The following SUGCT variants were observed in gnomAD, a reference collection of about 807,000 sequenced individuals.
SUGCT encodes succinyl-CoA:glutarate-CoA transferase, also known as succinyl-CoA:glutarate CoA-transferase.
Under a neutral mutation model 55.0 loss-of-function variants are expected in SUGCT, and 41 were observed. The ratio of observed to expected loss-of-function variants is 0.74; its 90% CI spans 0.58 to 0.97. SUGCT has a LOEUF of 0.97. SUGCT is among the 50% of genes least tolerant of loss of function. The pLI is 0.00. For synonymous variants in SUGCT, 187 were observed against 200.4 expected, an observed-to-expected ratio of 0.93 and a Z score of 0.56; for missense variants, 568 against 547.8, an observed-to-expected ratio of 1.04 and a Z score of -0.37.
At chr7:40,417,445 T>C (rs1409720072) in intron 9 of SUGCT, among the ~76,000 whole-genome samples, 3 of 151,830 alleles carry the variant, frequency 2.0e-5, no homozygotes, top group Non-Finnish European at 2.9e-5. Flanking sequence ...CAGTTTTCTT[T>C]TATTTTCAGA....
At chr7:40,441,207 C>T (rs1788496720) in intron 9 of SUGCT, among the ~76,000 whole-genome samples, 1 of 152,086 alleles carries the variant, frequency 6.6e-6, no homozygotes, top group Non-Finnish European at 1.5e-5. Flanking sequence ...AAGGTAAGTA[C>T]TGATGATTCC....
chr7:40,135,031 C>T lies in SUGCT; in HGVS notation c.11C>T (p.Thr4Met), dbSNP rs776440946. The T allele has an allele frequency of 6.4e-7, 1 of 1,561,626 alleles. No individual in the cohort carries two copies. The highest frequency in any genetic ancestry group is 1.9e-5 in the Admixed American group (1 of 52,610). ...TCTGAGACGCACGCGATGCTGGCGA[C>T]GCTGGCGAGGGTGGCAGCTCTGCGC... MLA[T>M]LARVAALRRT... The change falls in exon 1 of 14, where the codon ACG (threonine) becomes ATG (methionine). Residue 4 changes from threonine (T) to methionine (M), a missense_variant. By Grantham distance (81) the Thr-to-Met change is moderately conservative. Transcript: ENST00000335693.
intron 12 of SUGCT, among the ~76,000 whole-genome samples, chr7:40,557,498 C>T (rs980257512): frequency 1.3e-5 from 2 of 152,142 alleles, no homozygotes; most frequent in South Asian, 2.1e-4. Context: ...CGAGGCCAGG[C>T]GTGGTGGCTC....
At chr7:40,338,252 C>T (rs1276502956) in intron 9 of SUGCT, among the ~76,000 whole-genome samples, 1 of 152,086 alleles carries the variant, frequency 6.6e-6, no homozygotes, top group Admixed American at 6.6e-5. Context: ...CGAGGAGTAT[C>T]TTTGTGGCAT....
At chr7:40,496,618 T>A (rs1451594963) in intron 12 of SUGCT, among the ~76,000 whole-genome samples, 1 of 152,164 alleles carries the variant, frequency 6.6e-6, no homozygotes, top group Non-Finnish European at 1.5e-5. Flanking sequence ...AGCCACTACA[T>A]GAAGTTTCTG....
intron 12 of SUGCT, among the ~76,000 whole-genome samples, chr7:40,536,827 T>A (rs971126847): frequency 1.3e-5 from 2 of 152,180 alleles, no homozygotes; most frequent in Non-Finnish European, 1.5e-5. Context: ...CTTCTTAAGC[T>A]CTCGTATGTG....
chr7:40,849,566 T>A (rs2128797972), intron 13 of SUGCT, among the ~76,000 whole-genome samples: 1 of 152,294 alleles, frequency 6.6e-6, no homozygotes, highest in East Asian at 1.9e-4. Flanking sequence ...TTCCTGCAAG[T>A]GTTTACATTA....
At chr7:40,938,335 G>T in the SUGCT span, among the ~76,000 whole-genome samples, 4 of 148,914 alleles carry the variant, frequency 2.7e-5, no homozygotes, top group African/African-American at 9.9e-5. Flanking sequence ...CTTCTTTTGT[G>T]TTAAATATTT....
the SUGCT span, among the ~76,000 whole-genome samples, chr7:40,972,714 C>T: frequency 6.6e-6 from 1 of 152,276 alleles, no homozygotes; most frequent in East Asian, 1.9e-4. Flanking sequence ...ACATTCTTGC[C>T]ATATCCAGCA....
the SUGCT span, among the ~76,000 whole-genome samples, chr7:40,972,023 A>G: frequency 6.6e-6 from 1 of 151,960 alleles, no homozygotes; most frequent in African/African-American, 2.4e-5. Flanking sequence ...TCTGGTTAAC[A>G]TTTTTCTTTT....
chr7:40,843,139 GAA>G (rs1221749369), intron 13 of SUGCT, among the ~76,000 whole-genome samples: 5 of 152,174 alleles, frequency 3.3e-5, no homozygotes, highest in Non-Finnish European at 7.3e-5. Flanking sequence ...AGATGTACAT[GAA>G]AAGGACTCTG....
chr7:40,778,227 T>G (rs537884410), intron 13 of SUGCT, among the ~76,000 whole-genome samples: 1 of 118,020 alleles, frequency 8.5e-6, no homozygotes, highest in Non-Finnish European at 1.9e-5. Flanking sequence ...ATAGCTGCCT[T>G]CTACAGACTC....
chr7:40,244,391 C>G (rs543566824), intron 7 of SUGCT, among the ~76,000 whole-genome samples: 103 of 152,170 alleles, frequency 6.8e-4, no homozygotes, highest in African/African-American at 2.2e-3. Context: ...AACAATAGGC[C>G]AGTCACAGAG....
intron 12 of SUGCT, among the ~76,000 whole-genome samples, chr7:40,564,139 C>T (rs911107567): frequency 2.0e-5 from 3 of 152,142 alleles, no homozygotes; most frequent in Admixed American, 2.0e-4. Flanking sequence ...TTTGGGAGGC[C>T]GAGGCAGGCG....
intron 9 of SUGCT, among the ~76,000 whole-genome samples, chr7:40,423,666 A>G (rs116556521): frequency 2.6e-3 from 392 of 152,230 alleles, no homozygotes; most frequent in Middle Eastern, 0.017. Flanking sequence ...CATAAACCTC[A>G]TTACACTGGC....
chr7:40,728,806 A>G (rs1786736429), intron 12 of SUGCT, among the ~76,000 whole-genome samples: 1 of 152,180 alleles, frequency 6.6e-6, no homozygotes, highest in Non-Finnish European at 1.5e-5. Flanking sequence ...GTGGCTACAT[A>G]AGGGAGACAT....
chr7:40,258,823 C>T (rs1699476938), intron 7 of SUGCT, among the ~76,000 whole-genome samples: 1 of 152,142 alleles, frequency 6.6e-6, no homozygotes, highest in African/African-American at 2.4e-5. Flanking sequence ...CCAGCAACCC[C>T]ACCAATGGGC....
At chr7:40,316,009 A>G (rs1306156825) in intron 8 of SUGCT, among the ~76,000 whole-genome samples, 3 of 152,216 alleles carry the variant, frequency 2.0e-5, no homozygotes, top group African/African-American at 4.8e-5. Flanking sequence ...AGATCTGTCC[A>G]TGAAATACTA....
the SUGCT span, chr7:40,967,193 A>G: frequency 6.6e-6 from 1 of 152,150 alleles, no homozygotes; most frequent in Non-Finnish European, 1.5e-5. Context: ...GTCTCATGCT[A>G]TCCAGTAGCC....
Sources: allele counts gnomAD v4.1 joint callset (sites outside exome capture counted in the v4.1 genomes callset), GRCh38; gene constraint gnomAD v4.1.1; transcripts MANE v1.5; gene names NCBI Gene and HGNC (gene_info 2026-07-23, HGNC 2026-07-21).